The following TPX2 variants were observed in gnomAD, a reference collection of about 807,000 sequenced individuals.
TPX2 encodes TPX2 microtubule nucleation factor.
Under a neutral mutation model 93.6 loss-of-function variants are expected in TPX2, and 21 were observed. That is an observed-to-expected ratio of 0.22 (90% CI 0.16 to 0.32). The LOEUF (loss-of-function observed/expected upper bound fraction) is 0.32, where lower values mean the gene tolerates loss of function less well. Ranked by LOEUF, TPX2 falls within the 10% of genes least tolerant of loss-of-function variation. The pLI is 1.00. For synonymous variants in TPX2, 281 were observed against 298.3 expected, an observed-to-expected ratio of 0.94 and a Z score of 0.60; for missense variants, 776 against 871.1, an observed-to-expected ratio of 0.89 and a Z score of 1.37.
At chr20:31,786,174 T>C (rs1056642379) in intron 12 of TPX2, among the ~76,000 whole-genome samples, 13 of 152,098 alleles carry the variant, frequency 8.5e-5, no homozygotes, top group African/African-American at 3.1e-4. Flanking sequence ...TTAGGAAACA[T>C]AGAGGTTAAA....
intron 5 of TPX2, among the ~76,000 whole-genome samples, chr20:31,767,889 T>C (rs1036324554): frequency 2.8e-4 from 42 of 151,342 alleles, no homozygotes; most frequent in African/African-American, 9.7e-4. Flanking sequence ...GTGTTTACCC[T>C]CTCTGTGGTT....
chr20:31,797,919 G>C (rs546738765), intron 16 of TPX2, among the ~76,000 whole-genome samples: 1 of 152,134 alleles, frequency 6.6e-6, no homozygotes, highest in Non-Finnish European at 1.5e-5. Flanking sequence ...GGATTCCACC[G>C]GGTGTGGTGG....
chr20:31,792,919 A>G (rs2062111841), intron 13 of TPX2, 89 bp downstream of exon 13: 2 of 1,204,322 alleles, frequency 1.7e-6, no homozygotes, highest in African/African-American at 3.0e-5. Context: ...ATGGAGTTCA[A>G]AGGCAACCAC....
chr20:31,773,037 C>T (rs1011708463), intron 7 of TPX2, among the ~76,000 whole-genome samples: 5 of 135,076 alleles, frequency 3.7e-5, no homozygotes, highest in Non-Finnish European at 6.1e-5. Flanking sequence ...AGTACAGTGG[C>T]GCAATCTTGG....
At chr20:31,790,624 T>C (rs957690179) in intron 12 of TPX2, among the ~76,000 whole-genome samples, 1 of 152,162 alleles carries the variant, frequency 6.6e-6, no homozygotes, top group African/African-American at 2.4e-5. Context: ...GGTTGCAGCA[T>C]TGTTGGGATT....
chr20:31,742,315 T>C (rs1445709873), intron 1 of TPX2, among the ~76,000 whole-genome samples: 1 of 152,004 alleles, frequency 6.6e-6, no homozygotes, highest in Non-Finnish European at 1.5e-5. Flanking sequence ...GTAGCTGGGA[T>C]TGCAGGCGTG....
At chr20:31,780,216 T>C (rs563080917) in intron 10 of TPX2, among the ~76,000 whole-genome samples, 26 of 152,100 alleles carry the variant, frequency 1.7e-4, no homozygotes, top group Non-Finnish European at 3.8e-4. Context: ...CATGCCCAGC[T>C]ACTTTTTGGA....
intron 2 of TPX2, among the ~76,000 whole-genome samples, chr20:31,744,265 C>T (rs578234073): frequency 1.4e-5 from 2 of 147,228 alleles, no homozygotes; most frequent in East Asian, 2.0e-4. Context: ...CAGGTTCAAG[C>T]AATTCTCCTG....
rs1182888481 is a variant in TPX2 at position 31,801,166 on chromosome 20, A to G, written c.*86A>G. On this transcript the variant is annotated 3_prime_UTR_variant, in exon 18 of 18. Coordinates refer to ENST00000300403, the MANE Select transcript of TPX2 (RefSeq NM_012112.5). ...GGACCGTCTTGCTTTGTCATTGGGC[A>G]TGGAGAGAACCCATTTCTCCAGACT... 3.5e-5 allele frequency: 43 copies of G among 1,230,078 alleles called. No homozygotes were observed. Among genetic ancestry groups the G allele is most frequent in the Middle Eastern group, 3.9e-4 (2 of 5,158 alleles). 76.2% of individuals were successfully genotyped at this position (1,230,078 alleles called of 1,614,324 possible).
chr20:31,747,101 G>A (rs375468339), intron 2 of TPX2, among the ~76,000 whole-genome samples: 3 of 152,058 alleles, frequency 2.0e-5, no homozygotes, highest in Admixed American at 6.6e-5. Context: ...TCAATTGTGC[G>A]TTCTTGGAGG....
At chr20:31,786,602 C>T (rs1248216560) in intron 12 of TPX2, among the ~76,000 whole-genome samples, 1 of 152,166 alleles carries the variant, frequency 6.6e-6, no homozygotes, top group Non-Finnish European at 1.5e-5. Flanking sequence ...CTGGGTTTCG[C>T]CATGTTGCCC....
chr20:31,777,779 TC>T, intron 9 of TPX2, 141 bp downstream of exon 9: 1 of 822,228 alleles, frequency 1.2e-6, no homozygotes, highest in Non-Finnish European at 1.7e-6. Flanking sequence ...ATATAACAGA[TC>T]TTTTTTTTTT....
chr20:31,770,257 T>C, intron 5 of TPX2, 86 bp from the exon 6 acceptor site: 2 of 977,586 alleles, frequency 2.0e-6, no homozygotes, highest in Non-Finnish European at 2.7e-6. Context: ...CCTTTGTAGT[T>C]TGACATCCTT....
chr20:31,781,044 C>T, intron 10 of TPX2: 1 of 319,776 alleles, frequency 3.1e-6, no homozygotes, highest in Non-Finnish European at 6.0e-6. Context: ...CTTAGCCTTC[C>T]AAGTAATTGG....
At chr20:31,780,566 A>T (rs1412874665) in intron 10 of TPX2, among the ~76,000 whole-genome samples, 1 of 152,220 alleles carries the variant, frequency 6.6e-6, no homozygotes, top group Non-Finnish European at 1.5e-5. Flanking sequence ...ATATTATGCA[A>T]TTTTTATTTA....
chr20:31,774,073 C>T (rs535140694), intron 7 of TPX2, among the ~76,000 whole-genome samples: 100 of 151,740 alleles, frequency 6.6e-4, no homozygotes, highest in African/African-American at 2.3e-3. Flanking sequence ...GGTTTTACCA[C>T]GTTGGCCAGG....
intron 10 of TPX2, 116 bp from the exon 11 acceptor site, chr20:31,782,133 T>C: frequency 1.5e-6 from 2 of 1,354,822 alleles, no homozygotes; most frequent in Non-Finnish European, 2.0e-6. Flanking sequence ...CTGACTGTTG[T>C]GGGCCCACCA....
chr20:31,765,752 T>C (rs2061921165), intron 4 of TPX2, among the ~76,000 whole-genome samples: 1 of 152,230 alleles, frequency 6.6e-6, no homozygotes, highest in African/African-American at 2.4e-5. Flanking sequence ...TTTGGTTGTA[T>C]TGTCACAACC....
Position 31,777,245 on chromosome 20 carries a change from C to T in TPX2, c.731-242C>T, listed in dbSNP as rs186779552. 1.5e-3 allele frequency among the ~76,000 whole-genome samples: 228 copies of T among 152,276 alleles called. 1 individual carries two copies. Among genetic ancestry groups the T allele is most frequent in the African/African-American group, 5.2e-3 (215 of 41,556 alleles). On this transcript the variant is annotated intron_variant, in intron 8 of 17. Coordinates refer to ENST00000300403, the MANE Select transcript of TPX2 (RefSeq NM_012112.5). ...CACCTAGGAGATGGGATTCTTCTACCCTGTGCTACTACTTTTTTTTAGTTT... is the reference window on the plus strand; with the variant it reads ...CACCTAGGAGATGGGATTCTTCTACTCTGTGCTACTACTTTTTTTTAGTTT...
Sources: allele counts gnomAD v4.1 joint callset (sites outside exome capture counted in the v4.1 genomes callset), GRCh38; gene constraint gnomAD v4.1.1; transcripts MANE v1.5; gene names NCBI Gene and HGNC (gene_info 2026-07-23, HGNC 2026-07-21).